RTL4: variants seen among roughly 807,000 people sequenced by gnomAD.
RTL4 encodes the protein retrotransposon Gag-like protein 4.
Under a neutral mutation model 5.3 loss-of-function variants are expected in RTL4, and 4 were observed. The ratio of observed to expected loss-of-function variants is 0.75; its 90% CI spans 0.37 to 1.72. The LOEUF is 1.72. RTL4 is among the 40% of genes most tolerant of loss of function. RTL4 has a pLI of 0.04. For missense variants in RTL4, 260 were observed against 227.1 expected, an observed-to-expected ratio of 1.14 and a Z score of -0.93; for synonymous variants, 98 against 87.3, an observed-to-expected ratio of 1.12 and a Z score of -0.68.
the RTL4 span, among the ~76,000 whole-genome samples, chrX:112,210,428 A>G: frequency 8.9e-6 from 1 of 112,480 alleles, no homozygotes; most frequent in Non-Finnish European, 1.9e-5. Flanking sequence ...ATAAATGGAA[A>G]AAAAACACAT....
chrX:112,084,304 G>T, the RTL4 span, among the ~76,000 whole-genome samples: 57 of 110,554 alleles, frequency 5.2e-4, 1 homozygote, highest in East Asian at 8.7e-3. Context: ...TCCTAGTCCC[G>T]AGGCAGTCCA....
At chrX:112,377,595 T>C in the RTL4 span, among the ~76,000 whole-genome samples, 1 of 112,076 alleles carries the variant, frequency 8.9e-6, no homozygotes, top group East Asian at 2.8e-4. Context: ...TAAAGAATCG[T>C]TAAGTCAAGG....
chrX:112,201,345 CCTT>C, the RTL4 span, among the ~76,000 whole-genome samples: 1 of 111,021 alleles, frequency 9.0e-6, no homozygotes, highest in Non-Finnish European at 1.9e-5. Flanking sequence ...TTTCACACCT[CCTT>C]CTTGTTATAC....
At chrX:112,226,968 AAAT>A in the RTL4 span, among the ~76,000 whole-genome samples, 11 of 50,336 alleles carry the variant, frequency 2.2e-4, no homozygotes, top group South Asian at 9.5e-4. Flanking sequence ...AAATAAAATA[AAAT>A]AATAAAATAA....
chrX:112,402,400 T>TTGTGTGTGTGTGTG, the RTL4 span, among the ~76,000 whole-genome samples: 1 of 87,418 alleles, frequency 1.1e-5, no homozygotes, highest in Non-Finnish European at 2.2e-5. Context: ...GGAATTATTA[T>TTGTGTGTGTGTGTG]TGTGTGTGTG....
At chrX:112,199,550 C>G in the RTL4 span, among the ~76,000 whole-genome samples, 2 of 111,169 alleles carry the variant, frequency 1.8e-5, no homozygotes, top group African/African-American at 6.6e-5. Flanking sequence ...TCTATCTCCC[C>G]TTTCTGCTTT....
At chrX:112,338,803 C>A in the RTL4 span, among the ~76,000 whole-genome samples, 6 of 111,763 alleles carry the variant, frequency 5.4e-5, no homozygotes, top group African/African-American at 1.6e-4. Context: ...CCCCAAAAAT[C>A]ATTTGAAAAT....
chrX:112,354,738 C>A, the RTL4 span, among the ~76,000 whole-genome samples: 215 of 110,897 alleles, frequency 1.9e-3, no homozygotes, highest in African/African-American at 6.7e-3. Flanking sequence ...ACAAATCCAA[C>A]CTTGTGACAG....
At chrX:112,385,921 A>G in the RTL4 span, among the ~76,000 whole-genome samples, 1 of 111,931 alleles carries the variant, frequency 8.9e-6, no homozygotes, top group Admixed American at 9.5e-5. Flanking sequence ...GCTTCCTTGC[A>G]GAAGATATCT....
the RTL4 span, among the ~76,000 whole-genome samples, chrX:112,245,370 A>G: frequency 9.1e-6 from 1 of 110,123 alleles, no homozygotes; most frequent in African/African-American, 3.3e-5. Flanking sequence ...ATAGTCCCAT[A>G]TTTCTTGGAG....
chrX:112,313,049 A>T, the RTL4 span, among the ~76,000 whole-genome samples: 6 of 111,220 alleles, frequency 5.4e-5, no homozygotes, highest in South Asian at 7.7e-4. Context: ...GTGTAGTGGG[A>T]AGTTGATTGC....
chrX:112,210,146 T>G, the RTL4 span, among the ~76,000 whole-genome samples: 1 of 112,310 alleles, frequency 8.9e-6, no homozygotes, highest in African/African-American at 3.2e-5. Context: ...CATCTTTCAG[T>G]GCAATCAAGT....
the RTL4 span, among the ~76,000 whole-genome samples, chrX:112,176,273 C>A: frequency 1.8e-5 from 2 of 112,030 alleles, no homozygotes; most frequent in Non-Finnish European, 3.8e-5. Flanking sequence ...TAGGAAGAAT[C>A]AATATCGTGA....
the RTL4 span, among the ~76,000 whole-genome samples, chrX:112,104,591 T>A: frequency 8.9e-6 from 1 of 112,217 alleles, no homozygotes; most frequent in African/African-American, 3.2e-5. Context: ...GTAGCCATTG[T>A]AGCATGTGTG....
chrX:112,370,797 A>G, the RTL4 span, among the ~76,000 whole-genome samples: 1 of 111,074 alleles, frequency 9.0e-6, no homozygotes, highest in African/African-American at 3.3e-5. Flanking sequence ...GCACCCTTGT[A>G]CACCTTCACT....
chrX:112,111,640 G>T, the RTL4 span, among the ~76,000 whole-genome samples: 3 of 112,426 alleles, frequency 2.7e-5, no homozygotes, highest in African/African-American at 9.7e-5. Flanking sequence ...CAGTTCTAAG[G>T]CTTGGGTAAG....
chrX:112,376,361 A>G, the RTL4 span, among the ~76,000 whole-genome samples: 1 of 111,672 alleles, frequency 9.0e-6, no homozygotes, highest in Non-Finnish European at 1.9e-5. Context: ...TGAAGTGGGG[A>G]TGCATGGGAA....
At chrX:112,257,210 T>G in the RTL4 span, among the ~76,000 whole-genome samples, 1 of 111,411 alleles carries the variant, frequency 9.0e-6, no homozygotes, top group Non-Finnish European at 1.9e-5. Flanking sequence ...ATCAAAAGCT[T>G]TTTTTACATT....
At chrX:112,194,702 G>A in the RTL4 span, among the ~76,000 whole-genome samples, 1 of 111,940 alleles carries the variant, frequency 8.9e-6, no homozygotes, top group East Asian at 2.8e-4. Context: ...AGCAGAGTGG[G>A]AACAGGAAAC....
Sources: allele counts gnomAD v4.1 joint callset (sites outside exome capture counted in the v4.1 genomes callset), GRCh38; gene constraint gnomAD v4.1.1; transcripts MANE v1.5; gene names NCBI Gene and HGNC (gene_info 2026-07-23, HGNC 2026-07-21).